The following SLC36A3 variants were observed in gnomAD, a reference collection of about 807,000 sequenced individuals.
The protein encoded by SLC36A3 is solute carrier family 36 member 3.
Under a neutral mutation model 44.3 loss-of-function variants are expected in SLC36A3, and 35 were observed. The ratio of observed to expected loss-of-function variants is 0.79; its 90% CI spans 0.60 to 1.05. SLC36A3 has a LOEUF of 1.05. Among genes scored for constraint, SLC36A3 ranks in the 50% least tolerant of loss-of-function variants. The pLI is 0.00. For synonymous variants in SLC36A3, 211 were observed against 227.6 expected, an observed-to-expected ratio of 0.93 and a Z score of 0.66; for missense variants, 540 against 578.7, an observed-to-expected ratio of 0.93 and a Z score of 0.69.
In SLC36A3 at chr5:151,296,265, C is replaced by T. The variant is rs776023597; in HGVS notation, c.223G>A (p.Gly75Ser). 2.7e-5 allele frequency: 44 copies of T among 1,613,822 alleles called. No individual in the cohort carries two copies. The highest frequency in any genetic ancestry group is 1.2e-4 in the South Asian group (11 of 91,068). The change falls in exon 3 of 10, where the codon GGT becomes AGT. Residue 75 changes from glycine to serine, a missense_variant. By Grantham distance (56) the Gly-to-Ser change is moderately conservative (BLOSUM62 0). Transcript: ENST00000335230. ...CCGATGGCCAGAAGGCTGACAGGAC[C>T]GACCTGGAGGGGAGAGGAGAAAGGG... ...LAIKNAGLLV[G>S]PVSLLAIGVL... is the part of the protein sequence containing the mutation.
Position 151,277,781 on chromosome 5 carries a change from C to T in SLC36A3, c.1145-120G>A, listed in dbSNP as rs572609171. On this transcript the variant is annotated intron_variant, in intron 9 of 9. Transcript: ENST00000335230. The stretch of plus-strand genomic sequence containing the variant: ...CTTTGGAGAGGTGGGAGGGAGCCTA[C>T]TGCAGGCTTGGGGAGGTCAGGCAAC... 11 of 1,305,430 alleles carry T rather than the reference C, an allele frequency of 8.4e-6. No individual in the cohort carries two copies. In the South Asian group the frequency reaches 1.6e-4, roughly 19 times the overall value. 80.9% of individuals were successfully genotyped at this position (1,305,430 alleles called of 1,614,324 possible). A position where few individuals can be genotyped will look rare whatever the true frequency, so the allele number is the denominator to read the frequency against.
intron 9 of SLC36A3, among the ~76,000 whole-genome samples, chr5:151,280,051 C>T (rs1038031640): frequency 6.6e-6 from 1 of 152,156 alleles, no homozygotes; most frequent in Non-Finnish European, 1.5e-5. Flanking sequence ...ATTCCCCAGC[C>T]CTGTTCATGA....
chr5:151,288,483 G>C lies in SLC36A3; in HGVS notation c.405-13C>G. 4 of 1,520,332 alleles carry C rather than the reference G, an allele frequency of 2.6e-6. No individual in the cohort carries two copies. The highest frequency in any genetic ancestry group is 3.6e-6 in the Non-Finnish European group (4 of 1,125,518). 94.2% of individuals were successfully genotyped at this position (1,520,332 alleles called of 1,614,324 possible). A position where few individuals can be genotyped will look rare whatever the true frequency, so the allele number is the denominator to read the frequency against. ...GCTGACAGTGTACCTGGGAAGGAAA[G>C]GAAGAGGCAGACAGAGGGAGGAAAC... On this transcript the variant is annotated splice_polypyrimidine_tract_variant and intron_variant, in intron 4 of 9. Transcript: ENST00000335230.
chr5:151,292,780 T>C (rs561833357), intron 4 of SLC36A3, among the ~76,000 whole-genome samples: 1 of 152,312 alleles, frequency 6.6e-6, no homozygotes, highest in Admixed American at 6.5e-5. Flanking sequence ...GGTCAGGAGT[T>C]CAGGGCCAGC....
chr5:151,284,691 GT>G lies in SLC36A3; in HGVS notation c.728del (p.Asn243ThrfsTer4). 6 of 1,613,156 alleles carry G rather than the reference GT, an allele frequency of 3.7e-6. No individual in the cohort carries two copies. Among genetic ancestry groups the G allele is most frequent in the Non-Finnish European group, 5.1e-6 (6 of 1,179,382 alleles). ...YIMEGIPYPSNLPLMANWKTF... is the reference protein window; with the variant it reads ...YIMEGIPYPSXLPLMANWKTF... ...TCTTCCAGTTTGCCATCAAGGGTAG[GT>G]TGCTGGGATATGGAATCCCCTAAAA... On this transcript the variant is annotated frameshift_variant, in exon 7 of 10. Coordinates refer to ENST00000335230, the MANE Select transcript of SLC36A3 (RefSeq NM_181774.4). LOFTEE classifies it high-confidence loss of function.
intron 3 of SLC36A3, among the ~76,000 whole-genome samples, chr5:151,295,271 C>T (rs1466237550): frequency 2.6e-5 from 4 of 152,170 alleles, no homozygotes; most frequent in Admixed American, 6.5e-5. Flanking sequence ...GTTTACTCAT[C>T]TGTAAAATGG....
At chr5:151,302,495 C>G (rs1349993687) in intron 1 of SLC36A3, among the ~76,000 whole-genome samples, 1 of 150,160 alleles carries the variant, frequency 6.7e-6, no homozygotes, top group Non-Finnish European at 1.5e-5. Context: ...ACTGCATGTT[C>G]TCACTTGTAA....
At chr5:151,298,263 C>A (rs1036837659) in intron 2 of SLC36A3, 11 of 220,068 alleles carry the variant, frequency 5.0e-5, no homozygotes, top group Non-Finnish European at 8.1e-5. Flanking sequence ...ACAGGAGTCA[C>A]ACACTCAAAT....
At chr5:151,284,786 G>C (rs1754472336) in intron 6 of SLC36A3, 75 bp from the exon 7 acceptor site, 3 of 1,119,072 alleles carry the variant, frequency 2.7e-6, no homozygotes, top group African/African-American at 3.1e-5. Context: ...CTGGTAGAAA[G>C]CTGGGTCACA....
At chr5:151,280,579 C>T (rs946853439) in intron 9 of SLC36A3, among the ~76,000 whole-genome samples, 1 of 152,162 alleles carries the variant, frequency 6.6e-6, no homozygotes, top group Non-Finnish European at 1.5e-5. Context: ...AGAAATATGG[C>T]ACCATGAAAA....
chr5:151,284,563 C>T (rs1754457669), intron 7 of SLC36A3, 50 bp downstream of exon 7: 5 of 1,387,626 alleles, frequency 3.6e-6, no homozygotes, highest in Admixed American at 4.0e-5. Context: ...CTACAGTTGG[C>T]CACTGTAGAG....
chr5:151,290,073 C>T (rs1754699604), intron 4 of SLC36A3, among the ~76,000 whole-genome samples: 1 of 151,960 alleles, frequency 6.6e-6, no homozygotes, highest in South Asian at 2.1e-4. Context: ...TTTTTTTTGG[C>T]ATCACAACAG....
chr5:151,289,781 C>T (rs2127263659), intron 4 of SLC36A3, among the ~76,000 whole-genome samples: 1 of 152,052 alleles, frequency 6.6e-6, no homozygotes, highest in African/African-American at 2.4e-5. Context: ...TAGTTTTGTA[C>T]CTCTATTTCA....
rs1329174377 is a variant in SLC36A3, at chr5:151,303,133, C to T, written c.128+94G>A. Reference sequence around the variant, plus strand: ...ACGCATATCGTGTTAATGGAATAAGCGTGTTAAGGAGATAGATGAAGGAAG... The same window carrying T: ...ACGCATATCGTGTTAATGGAATAAGTGTGTTAAGGAGATAGATGAAGGAAG... On this transcript the variant is annotated intron_variant, in intron 1 of 9. Coordinates refer to ENST00000335230, the MANE Select transcript of SLC36A3 (RefSeq NM_181774.4). 18 of 1,419,792 alleles carry T rather than the reference C, an allele frequency of 1.3e-5. 1 individual carries two copies. The highest frequency in any genetic ancestry group is 5.8e-5 in the South Asian group (4 of 69,410). 87.9% of individuals were successfully genotyped at this position (1,419,792 alleles called of 1,614,324 possible). A position where few individuals can be genotyped will look rare whatever the true frequency, so the allele number is the denominator to read the frequency against.
Position 151,281,059 on chromosome 5 carries a change from G to T in SLC36A3, c.1099C>A (p.Leu367Met). 1 of 1,614,204 alleles carries T rather than the reference G, an allele frequency of 6.2e-7. No individual in the cohort carries two copies. Among genetic ancestry groups the T allele is most frequent in the Non-Finnish European group, 8.5e-7 (1 of 1,180,038 alleles). The change falls in exon 9 of 10, where the codon CTG becomes ATG. Residue 367 changes from leucine (L) to methionine (M), a missense_variant. Coordinates refer to ENST00000335230, the MANE Select transcript of SLC36A3 (RefSeq NM_181774.4). ...GAGCGGACAGACAGGTCTACAAACAGTGCCCAGCTCTCTGACACTTGGGAG... is the reference window on the plus strand; with the variant it reads ...GAGCGGACAGACAGGTCTACAAACATTGCCCAGCTCTCTGACACTTGGGAG... ...AISQVSESWA[L>M]FVDLSVRSAL...
chr5:151,287,210 C>T, intron 6 of SLC36A3, 36 bp downstream of exon 6: 1 of 1,608,128 alleles, frequency 6.2e-7, no homozygotes, highest in South Asian at 1.1e-5. Flanking sequence ...TTTCAGAGAC[C>T]CAGGACCCTG....
chr5:151,299,910 C>A (rs936020208), intron 1 of SLC36A3, among the ~76,000 whole-genome samples: 1 of 152,206 alleles, frequency 6.6e-6, no homozygotes, highest in Non-Finnish European at 1.5e-5. Flanking sequence ...ATTGTCTCAT[C>A]ATCATCATCA....
At chr5:151,277,955 G>C (rs1333709396) in intron 9 of SLC36A3, among the ~76,000 whole-genome samples, 1 of 152,140 alleles carries the variant, frequency 6.6e-6, no homozygotes, top group Non-Finnish European at 1.5e-5. Context: ...GAAATCTAGA[G>C]CTCTAGAAGG....
chr5:151,298,516 G>T, intron 2 of SLC36A3, 77 bp downstream of exon 2: 1 of 1,413,422 alleles, frequency 7.1e-7, no homozygotes, highest in Non-Finnish European at 9.9e-7. Context: ...ATTGATAACA[G>T]TGTGAAGGCC....
Sources: allele counts gnomAD v4.1 joint callset (sites outside exome capture counted in the v4.1 genomes callset), GRCh38; gene constraint gnomAD v4.1.1; transcripts MANE v1.5; gene names NCBI Gene and HGNC (gene_info 2026-07-23, HGNC 2026-07-21).